Variants in PNPT1 observed in about 807,000 individuals in gnomAD.
PNPT1 encodes polyribonucleotide nucleotidyltransferase 1, mitochondrial.
In PNPT1, 53 loss-of-function variants were observed where a neutral mutation model predicts 119.5. That is an observed-to-expected ratio of 0.44 (90% CI 0.36 to 0.56). PNPT1 has a LOEUF of 0.56. PNPT1 is among the 20% of genes least tolerant of loss of function. PNPT1 has a pLI of 0.00. For synonymous variants in PNPT1, 357 were observed against 322.1 expected, an observed-to-expected ratio of 1.11 and a Z score of -1.16; for missense variants, 948 against 938.5, an observed-to-expected ratio of 1.01 and a Z score of -0.13.
At chr2:55,645,999 T>C (rs1449712933) in intron 21 of PNPT1, among the ~76,000 whole-genome samples, 1 of 152,114 alleles carries the variant, frequency 6.6e-6, no homozygotes, top group Admixed American at 6.6e-5. Flanking sequence ...GGCTAATTTT[T>C]GTACTTTTAG....
intron 14 of PNPT1, among the ~76,000 whole-genome samples, chr2:55,660,712 C>A (rs1696538781): frequency 6.6e-6 from 1 of 152,164 alleles, no homozygotes; most frequent in African/African-American, 2.4e-5. Context: ...AGGTCACTGG[C>A]CCAGTTCATT....
intron 18 of PNPT1, among the ~76,000 whole-genome samples, chr2:55,654,022 G>C (rs980759273): frequency 3.9e-5 from 6 of 152,240 alleles, no homozygotes; most frequent in African/African-American, 1.4e-4. Flanking sequence ...ACTTTGGGAG[G>C]GCAAGGTGGG....
At chr2:55,659,338 A>G (rs1395785170) in intron 15 of PNPT1, among the ~76,000 whole-genome samples, 1 of 152,226 alleles carries the variant, frequency 6.6e-6, no homozygotes, top group Non-Finnish European at 1.5e-5. Flanking sequence ...AATAAAGTCA[A>G]TCACAAACTC....
At position 55,679,720 on chromosome 2, in the gene PNPT1, A is replaced by G; in HGVS notation, c.641T>C (p.Leu214Ser). Residue 214 changes from leucine (L) to serine (S), a missense_variant, in exon 8 of 28, where the codon TTA becomes TCA. Transcript: ENST00000447944. ...PTRKEMSSST[L>S]NLVVAGAPKS... ...AGGTGCTCCAGCAACCACTAAATTT[A>G]AAGTACTAGAAGACATTTCTTTTCT... 1.9e-6 allele frequency: 3 copies of G among 1,612,130 alleles called. No individual in the cohort carries two copies. Among genetic ancestry groups the G allele is most frequent in the Non-Finnish European group, 2.5e-6 (3 of 1,178,930 alleles).
At chr2:55,658,206 C>G (rs1696452110) in intron 15 of PNPT1, among the ~76,000 whole-genome samples, 3 of 151,846 alleles carry the variant, frequency 2.0e-5, no homozygotes, top group Admixed American at 2.0e-4. Context: ...GCACTCCAGC[C>G]TGAGTGACAG....
At chr2:55,661,125 T>A (rs1572813552) in intron 14 of PNPT1, among the ~76,000 whole-genome samples, 1 of 128,362 alleles carries the variant, frequency 7.8e-6, no homozygotes, top group Admixed American at 9.5e-5. Flanking sequence ...TGAGACAGAG[T>A]CTCGCTCTGT....
At chr2:55,648,343 T>G (rs887118186) in intron 18 of PNPT1, among the ~76,000 whole-genome samples, 1 of 152,218 alleles carries the variant, frequency 6.6e-6, no homozygotes, top group Non-Finnish European at 1.5e-5. Flanking sequence ...TCCCTGTATG[T>G]TTTACAAGTC....
At chr2:55,653,202 T>G (rs941134437) in intron 18 of PNPT1, among the ~76,000 whole-genome samples, 1 of 152,168 alleles carries the variant, frequency 6.6e-6, no homozygotes, top group Non-Finnish European at 1.5e-5. Context: ...CTTAAGAGTC[T>G]TGTTGAGGGT....
chr2:55,690,300 AT>A (rs1697549347), intron 1 of PNPT1, among the ~76,000 whole-genome samples: 1 of 152,252 alleles, frequency 6.6e-6, no homozygotes, highest in African/African-American at 2.4e-5. Context: ...CTCAAGATTC[AT>A]CAAAAGGTGT....
At chr2:55,642,471 T>A (rs1460048958) in intron 25 of PNPT1, among the ~76,000 whole-genome samples, 2 of 151,690 alleles carry the variant, frequency 1.3e-5, no homozygotes, top group Non-Finnish European at 2.9e-5. Flanking sequence ...TAGCTAGGCG[T>A]GGTGGCGGGC....
chr2:55,638,417 T>G (rs917860380), intron 26 of PNPT1, among the ~76,000 whole-genome samples: 33 of 152,060 alleles, frequency 2.2e-4, no homozygotes, highest in African/African-American at 7.2e-4. Flanking sequence ...GTCCCAGAAC[T>G]TTGGGAGGCC....
At position 55,687,674 on chromosome 2, in the gene PNPT1, T is replaced by C; in HGVS notation, c.193A>G (p.Arg65Gly). The C allele has an allele frequency of 1.9e-6, 3 of 1,600,514 alleles. No homozygotes were observed. Among genetic ancestry groups the C allele is most frequent in the Non-Finnish European group, 2.6e-6 (3 of 1,175,734 alleles). The change falls in exon 2 of 28, where the codon AGA (arginine) becomes GGA (glycine). Residue 65 changes from arginine to glycine, a missense_variant. Physicochemically the swap from Arg to Gly is moderately radical, Grantham distance 125. Coordinates refer to ENST00000447944, the MANE Select transcript of PNPT1 (RefSeq NM_033109.5). Reference protein sequence around the residue: ...KLEISSGKLARFADGSAVVQS... With the variant: ...KLEISSGKLAGFADGSAVVQS... ...ACTACAGCAGAGCCATCTGCAAATC[T>C]GGCCAGCTTTCCAGAAGATATTTCT...
chr2:55,673,358 G>A (rs1032365794), intron 8 of PNPT1, among the ~76,000 whole-genome samples: 6 of 151,312 alleles, frequency 4.0e-5, no homozygotes, highest in African/African-American at 1.5e-4. Flanking sequence ...AAGAAATCAT[G>A]CACATATTTT....
chr2:55,689,688 G>A (rs979060118), intron 1 of PNPT1, among the ~76,000 whole-genome samples: 14 of 152,164 alleles, frequency 9.2e-5, no homozygotes, highest in African/African-American at 2.9e-4. Context: ...GTTACCTGGG[G>A]CTGGGGAGAA....
Position 55,634,957 on chromosome 2 carries a change from G to T in PNPT1, c.*1280C>A, listed in dbSNP as rs1572788590. 1 of 152,244 alleles carries T rather than the reference G, an allele frequency of 6.6e-6. No individual in the cohort carries two copies. Among genetic ancestry groups the T allele is most frequent in the Non-Finnish European group, 1.5e-5 (1 of 68,030 alleles). 9.4% of individuals were successfully genotyped at this position (152,244 alleles called of 1,614,324 possible). ...ACAGTAGCTATTCACAGGTATGATT[G>T]TTGCACACTACAGTGTCGAACTTCT... On this transcript the variant is annotated 3_prime_UTR_variant, in exon 28 of 28. Coordinates refer to ENST00000447944, the MANE Select transcript of PNPT1 (RefSeq NM_033109.5).
chr2:55,654,368 C>CATTGTGTGTAAAATTGT (rs1368614758), intron 18 of PNPT1, among the ~76,000 whole-genome samples: 2 of 152,090 alleles, frequency 1.3e-5, no homozygotes, highest in Non-Finnish European at 2.9e-5. Context: ...TGTGTGTACA[C>CATTGTGTGTAAAATTGT]GCCTGAGTGG....
chr2:55,668,393 T>C (rs954765843), intron 11 of PNPT1, among the ~76,000 whole-genome samples: 5 of 150,954 alleles, frequency 3.3e-5, no homozygotes, highest in African/African-American at 2.4e-5. Context: ...TGTACCACCA[T>C]GCCTGGCTAA....
intron 13 of PNPT1, among the ~76,000 whole-genome samples, chr2:55,663,975 G>T (rs1217999864): frequency 2.0e-5 from 3 of 151,986 alleles, no homozygotes; most frequent in Admixed American, 6.6e-5. Flanking sequence ...GGCGACAGAA[G>T]GAGACTCCAT....
intron 15 of PNPT1, among the ~76,000 whole-genome samples, chr2:55,656,609 T>C (rs1411593797): frequency 1.3e-5 from 2 of 152,204 alleles, no homozygotes. Flanking sequence ...TGGATGGGTA[T>C]GGGGATTTAC....
Sources: gnomAD v4.1 joint callset for allele counts (sites outside exome capture counted in the v4.1 genomes callset) on GRCh38, gnomAD v4.1.1 for gene constraint, MANE v1.5 for transcripts, NCBI Gene and HGNC (gene_info 2026-07-23, HGNC 2026-07-21) for gene names.